ATP5PB: variants seen among roughly 807,000 people sequenced by gnomAD.
The protein encoded by ATP5PB is ATP synthase peripheral stalk-membrane subunit b.
A neutral mutation model predicts 34.5 loss-of-function variants in ATP5PB; 21 were observed. That is an observed-to-expected ratio of 0.61 (90% confidence interval 0.43 to 0.88). ATP5PB has a LOEUF of 0.88. Ranked by LOEUF, ATP5PB falls within the 40% of genes least tolerant of loss-of-function variation. The probability of loss-of-function intolerance (pLI) is 0.00; values close to 1 mark genes in which losing one functional copy is unlikely to be tolerated. For missense variants in ATP5PB, 293 were observed against 317.4 expected (o/e 0.92, Z 0.58); for synonymous variants, 108 against 114.1 (o/e 0.95, Z 0.34).
chr1:111,459,155 TA>T (rs1380523322), intron 5 of ATP5PB, among the ~76,000 whole-genome samples: 4 of 152,188 alleles, frequency 2.6e-5, no homozygotes, highest in African/African-American at 9.7e-5. Flanking sequence ...GTGATGTGTA[TA>T]TGCCTATATT....
rs1653407095 is a variant in ATP5PB, at chr1:111,454,221, G to A, written c.88G>A (p.Ala30Thr). 1 of 1,589,824 alleles carries A rather than the reference G, an allele frequency of 6.3e-7. No individual in the cohort carries two copies. Among genetic ancestry groups the A allele is most frequent in the Non-Finnish European group, 8.5e-7 (1 of 1,172,230 alleles). The change falls in exon 3 of 7, where the codon GCA (alanine) becomes ACA (threonine). Residue 30 changes from alanine to threonine, a missense_variant. Coordinates refer to ENST00000369722, the MANE Select transcript of ATP5PB (RefSeq NM_001688.5). Reference sequence around the variant, plus strand: ...AATTACTACCTGTAGGGTATTGCAGGCAACAAGGACCTTTCATACAGGGCA... The same window carrying A: ...AATTACTACCTGTAGGGTATTGCAGACAACAAGGACCTTTCATACAGGGCA... Reference protein sequence around the residue: ...AAFLGPGVLQATRTFHTGQPH... With the variant: ...AAFLGPGVLQTTRTFHTGQPH...
rs1257411518 is a variant in ATP5PB at position 111,449,861 on chromosome 1, T to C, written c.65T>C (p.Phe22Ser). Residue 22 changes from phenylalanine (F) to serine (S), a missense_variant, in exon 2 of 7, where the codon TTC (phenylalanine) becomes TCC (serine). Phe to Ser is a radical substitution (Grantham distance 155). Coordinates refer to ENST00000369722, the MANE Select transcript of ATP5PB (RefSeq NM_001688.5). ...TAAPSLKNAA[F>S]LGPGVLQATR... ...GCCCCCTCTCTGAAGAATGCAGCCT[T>C]CCTAGGTCCAGGGTAAGTGTGAGGA... 2 of 1,614,062 alleles carry C rather than the reference T, an allele frequency of 1.2e-6. No homozygotes were observed. Among genetic ancestry groups the C allele is most frequent in the Admixed American group, 3.3e-5 (2 of 60,004 alleles).
Position 111,456,401 on chromosome 1 carries a change from A to AT in ATP5PB, c.387+159dup. ...TAACGTTAGTTACTAATTTGAGATA[A>AT]TTTTTTTATATCTACTAAACACTTT... On this transcript the variant is annotated intron_variant, in intron 4 of 6. Coordinates refer to ENST00000369722, the MANE Select transcript of ATP5PB (RefSeq NM_001688.5). 5 of 1,098,660 alleles carry AT rather than the reference A, an allele frequency of 4.6e-6. No homozygotes were observed. The African/African-American group carries it at 6.5e-5, about 14-fold the overall frequency. The allele number at this position is 1,098,660 out of a possible 1,614,324, so 68.1% of individuals were successfully genotyped here. A position where few individuals can be genotyped will look rare whatever the true frequency, so the allele number is the denominator to read the frequency against.
intron 2 of ATP5PB, 89 bp downstream of exon 2, chr1:111,449,962 A>G: frequency 5.2e-6 from 8 of 1,551,814 alleles, no homozygotes; most frequent in Non-Finnish European, 7.1e-6. Context: ...GCTTTAGGTC[A>G]GAAATTTCTT....
At chr1:111,453,742 G>A (rs1461043556) in intron 2 of ATP5PB, among the ~76,000 whole-genome samples, 1 of 152,114 alleles carries the variant, frequency 6.6e-6, no homozygotes, top group East Asian at 1.9e-4. Flanking sequence ...TTCTAAGCAC[G>A]TCACATATAT....
chr1:111,449,597 C>A lies in ATP5PB; in HGVS notation c.40+16C>A. The stretch of plus-strand genomic sequence containing the variant: ...GCCACAGCGGGTAAGGGGTATAGAC[C>A]CTGCTCTGGACTATCAGAGTGATTG... On this transcript the variant is annotated intron_variant, in intron 1 of 6. Transcript: ENST00000369722. 6.3e-7 allele frequency: 1 copy of A among 1,595,136 alleles called. No homozygotes were observed. Among genetic ancestry groups the A allele is most frequent in the Non-Finnish European group, 8.5e-7 (1 of 1,169,894 alleles).
rs1653345041 is a variant in ATP5PB, at chr1:111,451,850, T to C, written c.77+1977T>C. On this transcript the variant is annotated intron_variant, in intron 2 of 6. Coordinates refer to ENST00000369722, the MANE Select transcript of ATP5PB (RefSeq NM_001688.5). ...AATTTGGCAGGACCAGGCACAGTGG[T>C]GGTTCATGCCTATAATCCCGAGGCC... 2.0e-5 allele frequency among the ~76,000 whole-genome samples: 3 copies of C among 152,196 alleles called. No homozygotes were observed. The South Asian group carries it at 6.2e-4, about 31-fold the overall frequency.
In ATP5PB at chr1:111,454,127, C is replaced by G. The variant is rs985206956; in HGVS notation, c.78-84C>G. ...TAGAAAACTGCCTCAATTATCAACC[C>G]TATTTATTGTTTCTGCTCATTATTC... On this transcript the variant is annotated intron_variant, in intron 2 of 6. Coordinates refer to ENST00000369722, the MANE Select transcript of ATP5PB (RefSeq NM_001688.5). 65 of 1,357,786 alleles carry G rather than the reference C, an allele frequency of 4.8e-5. No individual in the cohort carries two copies. In the African/African-American group the frequency reaches 8.8e-4, roughly 18 times the overall value. The allele number at this position is 1,357,786 out of a possible 1,614,324, so 84.1% of individuals were successfully genotyped here.
At chr1:111,457,797 CA>C (rs768359346) in intron 5 of ATP5PB, among the ~76,000 whole-genome samples, 35 of 152,248 alleles carry the variant, frequency 2.3e-4, no homozygotes, top group Admixed American at 6.5e-4. Context: ...GACTCTTAAG[CA>C]CATGGATATT....
Position 111,460,925 on chromosome 1 carries a change from G to C in ATP5PB, c.702G>C (p.Glu234Asp), listed in dbSNP as rs776244761. The change falls in exon 7 of 7, where the codon GAG (glutamate) becomes GAC (aspartate). Residue 234 changes from glutamate (E) to aspartate (D), a missense_variant. Transcript: ENST00000369722. Reference sequence around the variant, plus strand: ...CTCTTTCCTTATCACAGGAAAAGGAGACAATTGCCAAGTGCATTGCGGACC... The same window carrying C: ...CTCTTTCCTTATCACAGGAAAAGGACACAATTGCCAAGTGCATTGCGGACC... ...VQSISTQQEK[E>D]TIAKCIADLK... is the part of the protein sequence containing the mutation. 1 of 1,613,616 alleles carries C rather than the reference G, an allele frequency of 6.2e-7. No homozygotes were observed. The highest frequency in any genetic ancestry group is 8.5e-7 in the Non-Finnish European group (1 of 1,179,730).
chr1:111,454,458 TG>T lies in ATP5PB; in HGVS notation c.223+103del, dbSNP rs1278039760. On this transcript the variant is annotated intron_variant, in intron 3 of 6. Coordinates refer to ENST00000369722, the MANE Select transcript of ATP5PB (RefSeq NM_001688.5). Reference sequence around the variant, plus strand: ...TGGTTTTTGTTGTTGTTGTTGTTGTTGTTGTTGTTGTTTTTTGAGACAGGGT... The same window carrying T: ...TGGTTTTTGTTGTTGTTGTTGTTGTTTTGTTGTTGTTTTTTGAGACAGGGT... 2,049 of 1,430,258 alleles carry T rather than the reference TG, an allele frequency of 1.4e-3. 27 individuals carry two copies. In the African/African-American group the frequency reaches 0.027, roughly 19 times the overall value. 88.6% of individuals were successfully genotyped at this position (1,430,258 alleles called of 1,614,324 possible).
At chr1:111,454,471 T>G (rs560347402) in intron 3 of ATP5PB, 115 bp downstream of exon 3, 364 of 1,344,300 alleles carry the variant, frequency 2.7e-4, no homozygotes, top group African/African-American at 1.7e-3. Flanking sequence ...TGTTGTTGTT[T>G]TTTGAGACAG....
chr1:111,456,962 T>A (rs7520781), intron 5 of ATP5PB, among the ~76,000 whole-genome samples: 52,769 of 151,942 alleles, frequency 0.35, 9,616 homozygotes, highest in African/African-American at 0.45. Context: ...AAAATTAGAA[T>A]CTATAGAAGC....
intron 2 of ATP5PB, among the ~76,000 whole-genome samples, chr1:111,452,908 C>CTGAATTGA: frequency 6.6e-6 from 1 of 152,258 alleles, no homozygotes; most frequent in African/African-American, 2.4e-5. Flanking sequence ...GTTCAAACGT[C>CTGAATTGA]GGTAGTGCTG....
chr1:111,455,216 A>G (rs1653439125), intron 3 of ATP5PB, among the ~76,000 whole-genome samples: 1 of 152,250 alleles, frequency 6.6e-6, no homozygotes, highest in Non-Finnish European at 1.5e-5. Context: ...TGCTAGAAAC[A>G]TTAGTCTCCT....
chr1:111,454,300 A>G lies in ATP5PB; in HGVS notation c.167A>G (p.Tyr56Cys), dbSNP rs145422069. ...PLPEYGGKVR[Y>C]GLIPEEFFQF... ...CCTGAATACGGAGGAAAAGTTCGTT[A>G]TGGACTGATCCCTGAGGAATTCTTC... Residue 56 changes from tyrosine to cysteine, a missense_variant, in exon 3 of 7, where the codon TAT becomes TGT. Transcript: ENST00000369722. The G allele has an allele frequency of 8.1e-6, 13 of 1,613,172 alleles. No individual in the cohort carries two copies. Among genetic ancestry groups the G allele is most frequent in the East Asian group, 2.2e-5 (1 of 44,806 alleles).
chr1:111,454,231 C>G lies in ATP5PB; in HGVS notation c.98C>G (p.Thr33Ser). The G allele has an allele frequency of 6.2e-7, 1 of 1,601,260 alleles. No individual in the cohort carries two copies. Among genetic ancestry groups the G allele is most frequent in the East Asian group, 2.2e-5 (1 of 44,654 alleles). The change falls in exon 3 of 7, where the codon ACC (threonine) becomes AGC (serine). Residue 33 changes from threonine (T) to serine (S), a missense_variant. Thr to Ser is a moderately conservative substitution (Grantham distance 58). Transcript: ENST00000369722. Reference protein sequence around the residue: ...LGPGVLQATRTFHTGQPHLVP... With the variant: ...LGPGVLQATRSFHTGQPHLVP... ...TGTAGGGTATTGCAGGCAACAAGGA[C>G]CTTTCATACAGGGCAGCCACACCTT...
chr1:111,460,962 G>A lies in ATP5PB; in HGVS notation c.739G>A (p.Ala247Thr), dbSNP rs1177657725. ...AKCIADLKLLAKKAQAQPVM is the reference protein window; with the variant it reads ...AKCIADLKLLTKKAQAQPVM ...GTGCATTGCGGACCTAAAGCTGCTGGCAAAGAAGGCTCAAGCACAGCCAGT... is the reference window on the plus strand; with the variant it reads ...GTGCATTGCGGACCTAAAGCTGCTGACAAAGAAGGCTCAAGCACAGCCAGT... The change falls in exon 7 of 7, where the codon GCA becomes ACA. Residue 247 changes from alanine to threonine, a missense_variant. Coordinates refer to ENST00000369722, the MANE Select transcript of ATP5PB (RefSeq NM_001688.5). The A allele has an allele frequency of 6.2e-7, 1 of 1,612,822 alleles. No homozygotes were observed. The highest frequency in any genetic ancestry group is 1.3e-5 in the African/African-American group (1 of 74,894).
intron 2 of ATP5PB, among the ~76,000 whole-genome samples, chr1:111,453,021 A>G (rs1653376012): frequency 6.6e-6 from 1 of 152,236 alleles, no homozygotes; most frequent in African/African-American, 2.4e-5. Context: ...ATAATATTCA[A>G]AAGATAAGCA....
Sources: allele counts gnomAD v4.1 joint callset (sites outside exome capture counted in the v4.1 genomes callset), GRCh38; gene constraint gnomAD v4.1.1; transcripts MANE v1.5; gene names NCBI Gene and HGNC (gene_info 2026-07-23, HGNC 2026-07-21).